DCC: variants seen among roughly 807,000 people sequenced by gnomAD.
DCC encodes the protein netrin receptor DCC.
In DCC, 58 loss-of-function variants were observed where a neutral mutation model predicts 172.5. The ratio of observed to expected loss-of-function variants is 0.34; its 90% CI spans 0.27 to 0.42. DCC has a LOEUF of 0.42. Ranked by LOEUF, DCC falls within the 10% of genes least tolerant of loss-of-function variation. The pLI is 1.00. For synonymous variants in DCC, 709 were observed against 644.5 expected, an observed-to-expected ratio of 1.10 and a Z score of -1.52; for missense variants, 1,740 against 1,791.0, an observed-to-expected ratio of 0.97 and a Z score of 0.51.
chr18:52,494,278 G>GTGTGTGTGTGTGTGTGTGTT (rs2030653009), intron 1 of DCC, among the ~76,000 whole-genome samples: 1 of 151,318 alleles, frequency 6.6e-6, no homozygotes, highest in Non-Finnish European at 1.5e-5. Flanking sequence ...GTGTGTGTGT[G>GTGTGTGTGTGTGTGTGTGTT]TGTGTGTGTG....
At chr18:52,976,129 T>C (rs117050545) in intron 5 of DCC, among the ~76,000 whole-genome samples, 9,973 of 152,298 alleles carry the variant, frequency 0.065, 427 homozygotes, top group South Asian at 0.15. Context: ...TTTTATCATA[T>C]GATTGTTGGC....
chr18:52,830,779 C>T (rs1407841924), intron 2 of DCC, among the ~76,000 whole-genome samples: 1 of 152,090 alleles, frequency 6.6e-6, no homozygotes. Flanking sequence ...CTAGGGTAAT[C>T]CATTTCCATT....
intron 1 of DCC, among the ~76,000 whole-genome samples, chr18:52,541,875 G>GTATATATATATATGTATA (rs1555695195): frequency 1.7e-5 from 2 of 115,202 alleles, no homozygotes; most frequent in African/African-American, 6.6e-5. Context: ...GTGTGTGTGT[G>GTATATATATATATGTATA]TATATATATA....
intron 15 of DCC, among the ~76,000 whole-genome samples, chr18:53,351,297 A>ATATATG (rs1555656753): frequency 3.8e-5 from 1 of 26,160 alleles, no homozygotes; most frequent in Non-Finnish European, 1.1e-4. Flanking sequence ...TACAGTATAT[A>ATATATG]TATATATATA....
At chr18:52,404,027 C>T (rs912327352) in intron 1 of DCC, among the ~76,000 whole-genome samples, 1 of 151,996 alleles carries the variant, frequency 6.6e-6, no homozygotes, top group South Asian at 2.1e-4. Context: ...TCTGGAAAAA[C>T]AAAAGTATAT....
intron 2 of DCC, among the ~76,000 whole-genome samples, chr18:52,824,046 CAGAA>C (rs2038460084): frequency 6.6e-6 from 1 of 152,118 alleles, no homozygotes. Context: ...ATTATTTTCT[CAGAA>C]AGGGTGAATT....
chr18:53,015,770 A>C (rs1243687838), intron 5 of DCC, among the ~76,000 whole-genome samples: 1 of 152,160 alleles, frequency 6.6e-6, no homozygotes, highest in Non-Finnish European at 1.5e-5. Context: ...CCACAAGTTT[A>C]GACAAACAAA....
chr18:52,843,038 G>A (rs2038831835), intron 2 of DCC, among the ~76,000 whole-genome samples: 1 of 152,112 alleles, frequency 6.6e-6, no homozygotes, highest in South Asian at 2.1e-4. Context: ...GATGAAGTCT[G>A]GTATTCATGT....
chr18:52,345,630 A>C (rs1167609030), intron 1 of DCC, among the ~76,000 whole-genome samples: 1 of 152,202 alleles, frequency 6.6e-6, no homozygotes, highest in Non-Finnish European at 1.5e-5. Flanking sequence ...TGGCATCAAT[A>C]CTGCCTCCCT....
chr18:52,773,106 CA>C (rs1394387233), intron 2 of DCC, among the ~76,000 whole-genome samples: 1 of 152,166 alleles, frequency 6.6e-6, no homozygotes, highest in Non-Finnish European at 1.5e-5. Flanking sequence ...TAACGATTAA[CA>C]GCAACTGCAA....
chr18:52,753,760 T>C (rs753677473), intron 2 of DCC, among the ~76,000 whole-genome samples: 52 of 152,172 alleles, frequency 3.4e-4, no homozygotes, highest in Non-Finnish European at 6.3e-4. Flanking sequence ...CTGGAACCCA[T>C]GATATTGCTA....
intron 2 of DCC, among the ~76,000 whole-genome samples, chr18:52,788,490 AC>A (rs1174563823): frequency 6.6e-6 from 1 of 152,092 alleles, no homozygotes; most frequent in East Asian, 1.9e-4. Context: ...GATTAAGACC[AC>A]CTTTTTGCAT....
intron 1 of DCC, among the ~76,000 whole-genome samples, chr18:52,726,179 GTTTTGTAGAAAAGAAGTATA>G (rs2036549040): frequency 6.6e-6 from 1 of 152,172 alleles, no homozygotes; most frequent in African/African-American, 2.4e-5. Context: ...CATTGTTTCT[GTTTTGTAGAAAAGAAGTATA>G]CGTGGCTTGC....
At chr18:53,212,512 C>T (rs1277517806) in intron 11 of DCC, among the ~76,000 whole-genome samples, 2 of 152,128 alleles carry the variant, frequency 1.3e-5, no homozygotes, top group Non-Finnish European at 2.9e-5. Context: ...AAAAAATTCT[C>T]TACTCTCCTC....
At position 52,531,767 on chromosome 18, in the gene DCC, C is replaced by T. The variant is rs558840222; in HGVS notation, c.91+190889C>T. ...TCCTACCTCCCTTTTGTAGTTTCTT[C>T]TGCTTCATTGTTACCTATTGTCATT... On this transcript the variant is annotated intron_variant, in intron 1 of 28. Transcript: ENST00000442544. 6.6e-5 allele frequency among the ~76,000 whole-genome samples: 10 copies of T among 152,238 alleles called. No homozygotes were observed. The East Asian group carries it at 1.9e-3, about 29-fold the overall frequency.
At chr18:53,198,454 T>A (rs72923237) in intron 9 of DCC, among the ~76,000 whole-genome samples, 2,531 of 144,648 alleles carry the variant, frequency 0.017, 24 homozygotes, top group Admixed American at 0.04. Context: ...TCTCTCTCTC[T>A]CACACACACA....
chr18:52,669,141 G>A (rs1179062392), intron 1 of DCC, among the ~76,000 whole-genome samples: 1 of 152,150 alleles, frequency 6.6e-6, no homozygotes, highest in African/African-American at 2.4e-5. Context: ...ATGAAATCAT[G>A]AGAAGTTGAA....
chr18:53,206,513 T>C (rs2055646439), intron 10 of DCC, among the ~76,000 whole-genome samples: 1 of 142,512 alleles, frequency 7.0e-6, no homozygotes, highest in South Asian at 2.1e-4. Flanking sequence ...TATCTATGTA[T>C]ATACATGTAT....
At chr18:52,929,060 A>C (rs1464389488) in intron 5 of DCC, among the ~76,000 whole-genome samples, 1 of 152,062 alleles carries the variant, frequency 6.6e-6, no homozygotes, top group African/African-American at 2.4e-5. Context: ...AAACCAAGAA[A>C]AAGTGGGTAC....
Sources: allele counts gnomAD v4.1 joint callset (sites outside exome capture counted in the v4.1 genomes callset), GRCh38; gene constraint gnomAD v4.1.1; transcripts MANE v1.5; gene names NCBI Gene and HGNC (gene_info 2026-07-23, HGNC 2026-07-21).